The following IQCH variants were observed in gnomAD, a reference collection of about 807,000 sequenced individuals.
IQCH encodes the protein IQ domain-containing protein H.
Under a neutral mutation model 117.0 loss-of-function variants are expected in IQCH, and 98 were observed. That is an observed-to-expected ratio of 0.84 (90% CI 0.71 to 0.99). The LOEUF (loss-of-function observed/expected upper bound fraction) is 0.99. Among genes scored for constraint, IQCH ranks in the 50% least tolerant of loss-of-function variants. The pLI, the probability that IQCH is intolerant of heterozygous loss-of-function variation, is 0.00. For missense variants in IQCH, 1,102 were observed against 1,243.8 expected (o/e 0.89, Z 1.72); for synonymous variants, 412 against 448.2 (o/e 0.92, Z 1.02).
At chr15:67,478,769 C>T (rs1025743822) in intron 18 of IQCH, among the ~76,000 whole-genome samples, 2 of 151,814 alleles carry the variant, frequency 1.3e-5, no homozygotes, top group African/African-American at 4.8e-5. Flanking sequence ...ACTAAAAATA[C>T]AAAAATTAGC....
intron 3 of IQCH, among the ~76,000 whole-genome samples, chr15:67,273,370 T>C (rs1297371074): frequency 1.3e-5 from 2 of 152,146 alleles, no homozygotes; most frequent in Non-Finnish European, 2.9e-5. Flanking sequence ...ATGCCTGGCC[T>C]GAGCCACCAT....
In IQCH at chr15:67,459,344, C is replaced by T. The variant is rs1422581372; in HGVS notation, c.2506-5783C>T. On this transcript the variant is annotated intron_variant, in intron 16 of 20. Coordinates refer to ENST00000335894, the MANE Select transcript of IQCH (RefSeq NM_001031715.3). The surrounding 1 kb of genome is among the most constrained non-coding windows in gnomAD (Gnocchi z 4.2). ...TCTGAGTCCCATACGTGCCCTGATG[C>T]CCATAGGAGAAGGGTGGCAAGAGGC... 6.6e-6 allele frequency among the ~76,000 whole-genome samples: 1 copy of T among 152,162 alleles called. No individual in the cohort carries two copies. The highest frequency in any genetic ancestry group is 2.4e-5 in the African/African-American group (1 of 41,428).
chr15:67,281,857 A>C (rs1018430816), intron 4 of IQCH: 1 of 438,826 alleles, frequency 2.3e-6, no homozygotes, highest in African/African-American at 2.0e-5. Flanking sequence ...CACCACAGTG[A>C]TCTCTAAGAG....
chr15:67,349,007 A>C (rs11071949), intron 6 of IQCH, among the ~76,000 whole-genome samples: 70,574 of 152,078 alleles, frequency 0.46, 16,788 homozygotes, highest in Non-Finnish European at 0.52. Context: ...TCAATGGAGA[A>C]GGCATAATTT....
intron 5 of IQCH, among the ~76,000 whole-genome samples, chr15:67,340,746 A>G (rs1969133045): frequency 6.6e-6 from 1 of 152,210 alleles, no homozygotes; most frequent in African/African-American, 2.4e-5. Flanking sequence ...TATCTCTACA[A>G]GCCAATCAGA....
rs190511245 is a variant in IQCH at position 67,494,651 on chromosome 15, A to C, written c.2970+285A>C. 2.7e-3 allele frequency among the ~76,000 whole-genome samples: 412 copies of C among 152,330 alleles called. 3 individuals are homozygous for C. Among genetic ancestry groups the C allele is most frequent in the Middle Eastern group, 6.8e-3 (2 of 294 alleles). The stretch of plus-strand genomic sequence containing the variant: ...TTCTGATGTTGGACGTGAGTCTGAA[A>C]TGTCACAATGGAACCAAAACAGAGA... On this transcript the variant is annotated intron_variant, in intron 20 of 20. Transcript: ENST00000335894. This position sits in a 1 kb window ranked among gnomAD's most constrained non-coding sequence, Gnocchi z 5.5.
chr15:67,368,391 A>G (rs918268324), intron 8 of IQCH, among the ~76,000 whole-genome samples: 1 of 152,222 alleles, frequency 6.6e-6, no homozygotes, highest in Non-Finnish European at 1.5e-5. Flanking sequence ...ATTCTATAGA[A>G]AGCTCAACAC....
At chr15:67,280,899 T>A (rs772291632) in intron 4 of IQCH, among the ~76,000 whole-genome samples, 2 of 152,072 alleles carry the variant, frequency 1.3e-5, no homozygotes, top group African/African-American at 4.8e-5. Context: ...CAGGCTGGAG[T>A]GCAGTGGCAC....
chr15:67,300,069 A>G (rs571146864), intron 4 of IQCH, among the ~76,000 whole-genome samples: 23 of 152,110 alleles, frequency 1.5e-4, no homozygotes, highest in Non-Finnish European at 5.9e-5. Context: ...TTTAGCCTCT[A>G]TGAGGAAGTT....
chr15:67,346,663 T>C lies in IQCH; in HGVS notation c.637+2472T>C, dbSNP rs148467441. ...AGTACCCAGTCTGTGGCTTGTGGGTTAGGGACCCCTGCTATAGAAGACTAT... is the reference window on the plus strand; with the variant it reads ...AGTACCCAGTCTGTGGCTTGTGGGTCAGGGACCCCTGCTATAGAAGACTAT... On this transcript the variant is annotated intron_variant, in intron 6 of 20. Coordinates refer to ENST00000335894, the MANE Select transcript of IQCH (RefSeq NM_001031715.3). Among the ~76,000 whole-genome samples the C allele has an allele frequency of 2.8e-4, 42 of 152,292 alleles. No homozygotes were observed. In the East Asian group the frequency reaches 7.9e-3, roughly 29 times the overall value.
chr15:67,306,548 G>T (rs1305532857), intron 4 of IQCH, among the ~76,000 whole-genome samples: 1 of 152,056 alleles, frequency 6.6e-6, no homozygotes, highest in Non-Finnish European at 1.5e-5. Context: ...TCCATTATTT[G>T]TTCCTAGAAG....
rs1453856382 is a variant in IQCH at position 67,490,496 on chromosome 15, GC to G, written c.2861+435del. On this transcript the variant is annotated intron_variant, in intron 19 of 20. Coordinates refer to ENST00000335894, the MANE Select transcript of IQCH (RefSeq NM_001031715.3). The surrounding 1 kb of genome is among the most constrained non-coding windows in gnomAD (Gnocchi z 4.9). ...TGGGATTACAGGCCTGAGCCACTGC[GC>G]CCAGCCTAGGTATTTTATAAAATGA... Among the ~76,000 whole-genome samples, 1 of 152,090 alleles carries G rather than the reference GC, an allele frequency of 6.6e-6. No homozygotes were observed. The highest frequency in any genetic ancestry group is 1.9e-4 in the East Asian group (1 of 5,202).
rs2083179520 is a variant in IQCH, at chr15:67,475,424, G to A, written c.2677-272G>A. Among the ~76,000 whole-genome samples the A allele has an allele frequency of 6.6e-6, 1 of 152,188 alleles. No homozygotes were observed. Among genetic ancestry groups the A allele is most frequent in the Non-Finnish European group, 1.5e-5 (1 of 68,038 alleles). ...GCCCAGGAGGCAGAGGTTGCAGTGA[G>A]CCCAGATTGTGCCACTGCACTCCAG... On this transcript the variant is annotated intron_variant, in intron 17 of 20. Coordinates refer to ENST00000335894, the MANE Select transcript of IQCH (RefSeq NM_001031715.3). The surrounding 1 kb of genome is among the most constrained non-coding windows in gnomAD (Gnocchi z 5.7).
chr15:67,437,915 C>A (rs189428251), intron 16 of IQCH, among the ~76,000 whole-genome samples: 1 of 151,912 alleles, frequency 6.6e-6, no homozygotes, highest in African/African-American at 2.4e-5. Context: ...ATGACCAAAC[C>A]GGAGAATAAT....
Position 67,302,879 on chromosome 15 carries a change from C to A in IQCH, c.387+23367C>A, listed in dbSNP as rs114099100. Among the ~76,000 whole-genome samples, 325 of 152,148 alleles carry A rather than the reference C, an allele frequency of 2.1e-3. 1 individual carries two copies. Among genetic ancestry groups the A allele is most frequent in the African/African-American group, 6.9e-3 (287 of 41,526 alleles). ...CTCAAAACAACAACAACAACAACAA[C>A]AAAAAACCATGCTATTAAAAAGTAA... On this transcript the variant is annotated intron_variant, in intron 4 of 20. Transcript: ENST00000335894.
chr15:67,488,989 A>G (rs773650231), intron 18 of IQCH, among the ~76,000 whole-genome samples: 5 of 152,232 alleles, frequency 3.3e-5, no homozygotes, highest in Middle Eastern at 3.4e-3. Flanking sequence ...CCACTGAAGT[A>G]CAAATTATTT....
At chr15:67,265,464 C>T (rs1341946070) in intron 3 of IQCH, among the ~76,000 whole-genome samples, 1 of 152,158 alleles carries the variant, frequency 6.6e-6, no homozygotes, top group African/African-American at 2.4e-5. Flanking sequence ...CCCTATAAAC[C>T]TGGAGGAGTG....
rs2082970822 is a variant in IQCH at position 67,467,789 on chromosome 15, G to A, written c.2676+2492G>A. 6.6e-6 allele frequency among the ~76,000 whole-genome samples: 1 copy of A among 152,186 alleles called. No individual in the cohort carries two copies. Among genetic ancestry groups the A allele is most frequent in the South Asian group, 2.1e-4 (1 of 4,830 alleles). On this transcript the variant is annotated intron_variant, in intron 17 of 20. Coordinates refer to ENST00000335894, the MANE Select transcript of IQCH (RefSeq NM_001031715.3). This position sits in a 1 kb window ranked among gnomAD's most constrained non-coding sequence, Gnocchi z 5.7. ...TTGACAGCCCCCTTTGAAGACTGAA[G>A]GAGAAGAAAATGCACAGATGAAACC...
rs1264991381 is a variant in IQCH, at chr15:67,453,375, G to A, written c.2506-11752G>A. On this transcript the variant is annotated intron_variant, in intron 16 of 20. Transcript: ENST00000335894. The surrounding 1 kb of genome is among the most constrained non-coding windows in gnomAD (Gnocchi z 5.8). ...GTGGTTTTATCTACCTTTGGTCTTT[G>A]ATGATGGTGACGTACAGATGGGTTT... is the stretch of plus-strand genomic sequence containing the variant. 6.6e-6 allele frequency among the ~76,000 whole-genome samples: 1 copy of A among 152,062 alleles called. No individual in the cohort carries two copies. The highest frequency in any genetic ancestry group is 1.5e-5 in the Non-Finnish European group (1 of 68,020).
Sources: allele counts gnomAD v4.1 joint callset (sites outside exome capture counted in the v4.1 genomes callset), GRCh38; gene constraint gnomAD v4.1.1; non-coding constraint Gnocchi (gnomAD v3.1); transcripts MANE v1.5; gene names NCBI Gene and HGNC (gene_info 2026-07-23, HGNC 2026-07-21).